GTF2I: variants seen among roughly 807,000 people sequenced by gnomAD.
The protein encoded by GTF2I is general transcription factor IIi.
In GTF2I, 12 loss-of-function variants were observed where a neutral mutation model predicts 67.6. That is an observed-to-expected ratio of 0.18 (90% confidence interval 0.11 to 0.29). GTF2I has a LOEUF of 0.29. Among genes scored for constraint, GTF2I ranks in the 10% least tolerant of loss-of-function variants. The pLI is 1.00. For synonymous variants in GTF2I, 149 were observed against 197.0 expected (o/e 0.76, Z 2.04); for missense variants, 271 against 580.1 (o/e 0.47, Z 5.47).
intron 6 of GTF2I, 21 bp from the exon 7 acceptor site, chr7:74,705,143 A>ATTT (rs372478911): frequency 9.0e-5 from 112 of 1,242,434 alleles, no homozygotes; most frequent in Non-Finnish European, 1.2e-4. Flanking sequence ...ACTAACTCCA[A>ATTT]TTTTTTTTTT....
chr7:74,714,664 G>T (rs1584252955), intron 9 of GTF2I, among the ~76,000 whole-genome samples, 193 bp from the exon 10 acceptor site: 1 of 150,152 alleles, frequency 6.7e-6, no homozygotes, highest in South Asian at 2.1e-4. Context: ...GAATTCACCT[G>T]ATTACATTTT....
chr7:74,691,698 T>C (rs1788323583), intron 3 of GTF2I, among the ~76,000 whole-genome samples: 1 of 152,184 alleles, frequency 6.6e-6, no homozygotes, highest in Non-Finnish European at 1.5e-5. Context: ...GTTAATGAGA[T>C]GCATTAGAGA....
At chr7:74,702,670 AT>A (rs1326608642) in intron 6 of GTF2I, among the ~76,000 whole-genome samples, 1 of 150,708 alleles carries the variant, frequency 6.6e-6, no homozygotes, top group African/African-American at 2.4e-5. Flanking sequence ...GTGGTATCTA[AT>A]TTTTTTTGAT....
intron 1 of GTF2I, among the ~76,000 whole-genome samples, chr7:74,677,031 C>T (rs964158830): frequency 1.3e-5 from 2 of 152,070 alleles, no homozygotes; most frequent in Non-Finnish European, 2.9e-5. Flanking sequence ...TGCACTCCAG[C>T]CTGGGCGACA....
intron 1 of GTF2I, among the ~76,000 whole-genome samples, chr7:74,680,101 T>A (rs1424898780): frequency 0.068 from 6,304 of 92,808 alleles, 278 homozygotes; most frequent in African/African-American, 0.1. Context: ...AAAAAAAAAA[T>A]ATATATATAT....
intron 1 of GTF2I, among the ~76,000 whole-genome samples, chr7:74,662,534 T>TTTTTTTTTTTTG (rs1554387023): frequency 7.9e-6 from 1 of 126,770 alleles, no homozygotes; most frequent in Non-Finnish European, 1.6e-5. Flanking sequence ...TTTTTTTTTT[T>TTTTTTTTTTTTG]TTTTTTGAGA....
At chr7:74,688,172 A>G (rs1464287632) in intron 1 of GTF2I, among the ~76,000 whole-genome samples, 5 of 152,068 alleles carry the variant, frequency 3.3e-5, no homozygotes, top group Non-Finnish European at 7.4e-5. Context: ...TCCGTCTCCC[A>G]GGTTCAAGCG....
Position 74,672,471 on chromosome 7 carries a change from CAG to C in GTF2I, c.-6+14406_-6+14407del, listed in dbSNP as rs373468560. Among the ~76,000 whole-genome samples, 46 of 152,134 alleles carry C rather than the reference CAG, an allele frequency of 3.0e-4. No homozygotes were observed. In the East Asian group the frequency reaches 5.4e-3, roughly 18 times the overall value. ...AGCAGAATCACTTGGACCCGGAAAG[CAG>C]AGTTTCCAGTGAGCCAGGATCGTGC... On this transcript the variant is annotated intron_variant, in intron 1 of 34. Coordinates refer to ENST00000573035, the MANE Select transcript of GTF2I (RefSeq NM_032999.4).
intron 3 of GTF2I, among the ~76,000 whole-genome samples, chr7:74,696,364 C>T (rs1788903418): frequency 6.7e-6 from 1 of 149,374 alleles, no homozygotes; most frequent in Non-Finnish European, 1.5e-5. Context: ...CAGAGTCTCA[C>T]TATCGCCCAT....
intron 1 of GTF2I, among the ~76,000 whole-genome samples, chr7:74,683,399 A>G (rs1366623558): frequency 6.6e-6 from 1 of 152,238 alleles, no homozygotes; most frequent in Non-Finnish European, 1.5e-5. Flanking sequence ...CTAGGTTTCT[A>G]TTCCAGCGAA....
At chr7:74,671,313 C>G (rs1805431454) in intron 1 of GTF2I, among the ~76,000 whole-genome samples, 1 of 152,008 alleles carries the variant, frequency 6.6e-6, no homozygotes, top group Admixed American at 6.6e-5. Context: ...TCTTGAACTC[C>G]TGACCTCAGG....
intron 1 of GTF2I, among the ~76,000 whole-genome samples, chr7:74,680,099 A>AAAATAT: frequency 2.6e-4 from 25 of 94,954 alleles, no homozygotes; most frequent in African/African-American, 1.0e-3. Flanking sequence ...AAAAAAAAAA[A>AAAATAT]ATATATATAT....
At chr7:74,666,265 G>A (rs1554388486) in intron 1 of GTF2I, among the ~76,000 whole-genome samples, 2 of 152,148 alleles carry the variant, frequency 1.3e-5, no homozygotes, top group African/African-American at 4.8e-5. Flanking sequence ...GACGTGAGTA[G>A]AATTTTATCT....
chr7:74,722,022 T>C (rs2131460028), intron 12 of GTF2I, among the ~76,000 whole-genome samples: 1 of 152,316 alleles, frequency 6.6e-6, no homozygotes, highest in Admixed American at 6.5e-5. Flanking sequence ...TTTTCTCCTT[T>C]TATATCTTTT....
intron 3 of GTF2I, 129 bp downstream of exon 3, chr7:74,691,240 C>T: frequency 1.5e-6 from 1 of 681,630 alleles, no homozygotes; most frequent in Non-Finnish European, 2.3e-6. Context: ...GAGTTTTGCT[C>T]ATGTTGCCTA....
At chr7:74,658,429 C>G (rs1459877575) in intron 1 of GTF2I, among the ~76,000 whole-genome samples, 12 of 144,590 alleles carry the variant, frequency 8.3e-5, no homozygotes, top group Non-Finnish European at 1.7e-4. Flanking sequence ...GCGCCTCGCG[C>G]GTGCGATCCC....
intron 1 of GTF2I, among the ~76,000 whole-genome samples, chr7:74,675,560 G>A (rs890974090): frequency 6.6e-6 from 1 of 151,942 alleles, no homozygotes; most frequent in Non-Finnish European, 1.5e-5. Flanking sequence ...TTTTTTTTGG[G>A]GGGGGCAGAA....
At chr7:74,695,846 C>T (rs965300104) in intron 3 of GTF2I, among the ~76,000 whole-genome samples, 1 of 152,062 alleles carries the variant, frequency 6.6e-6, no homozygotes, top group East Asian at 1.9e-4. Flanking sequence ...ACCATAAGCC[C>T]GCCTGCAGCT....
At chr7:74,720,085 G>A (rs1792746493) in intron 12 of GTF2I, among the ~76,000 whole-genome samples, 1 of 152,200 alleles carries the variant, frequency 6.6e-6, no homozygotes, top group African/African-American at 2.4e-5. Context: ...ACTGAGGGAT[G>A]TATGCCAGCT....
Sources: allele counts gnomAD v4.1 joint callset (sites outside exome capture counted in the v4.1 genomes callset), GRCh38; gene constraint gnomAD v4.1.1; transcripts MANE v1.5; gene names NCBI Gene and HGNC (gene_info 2026-07-23, HGNC 2026-07-21).